The following NET1 variants were observed in gnomAD, a reference collection of about 807,000 sequenced individuals.
NET1 encodes the protein neuroepithelial cell-transforming gene 1 protein.
In NET1, 42 loss-of-function variants were observed where a neutral mutation model predicts 61.1. The ratio of observed to expected loss-of-function variants is 0.69; its 90% CI spans 0.54 to 0.89. The LOEUF (loss-of-function observed/expected upper bound fraction) is 0.89, where lower values mean the gene tolerates loss of function less well. NET1 is among the 40% of genes least tolerant of loss of function. The pLI is 0.00. For synonymous variants in NET1, 254 were observed against 281.8 expected, an observed-to-expected ratio of 0.90 and a Z score of 0.99; for missense variants, 654 against 747.3, an observed-to-expected ratio of 0.88 and a Z score of 1.46.
rs1832180585 is a variant in NET1 at position 5,422,004 on chromosome 10, G to A, written c.129-4651G>A. ...CTGTTGTACATTTGATTTGTTTCCA[G>A]TTTGGTGCTTTTATGGATAATGCTG... On this transcript the variant is annotated intron_variant, in intron 1 of 11. Coordinates refer to ENST00000355029, the MANE Select transcript of NET1 (RefSeq NM_001047160.3). The surrounding 1 kb of genome is among the most constrained non-coding windows in gnomAD (Gnocchi z 4.1). 1.3e-5 allele frequency among the ~76,000 whole-genome samples: 2 copies of A among 152,188 alleles called. No homozygotes were observed. The highest frequency in any genetic ancestry group is 4.8e-5 in the African/African-American group (2 of 41,430).
chr10:5,427,375 CT>C lies in NET1; in HGVS notation c.195+660del, dbSNP rs1182143236. On this transcript the variant is annotated intron_variant, in intron 2 of 11. Transcript: ENST00000355029. This position sits in a 1 kb window ranked among gnomAD's most constrained non-coding sequence, Gnocchi z 4.1. Reference sequence around the variant, plus strand: ...ATGCATAAGTATGATCATATATGTGCTTTTTTCCCCTTAGTACAGTCTAATA... The same window carrying C: ...ATGCATAAGTATGATCATATATGTGCTTTTTCCCCTTAGTACAGTCTAATA... Among the ~76,000 whole-genome samples the C allele has an allele frequency of 1.3e-5, 2 of 152,020 alleles. No individual in the cohort carries two copies. The highest frequency in any genetic ancestry group is 2.9e-5 in the Non-Finnish European group (2 of 67,992).
In NET1 at chr10:5,458,174, T is replaced by C. The variant is rs532601836; in HGVS notation, c.*1180T>C. The C allele has an allele frequency of 6.6e-6, 1 of 152,294 alleles. No individual in the cohort carries two copies. Among genetic ancestry groups the C allele is most frequent in the South Asian group, 2.1e-4 (1 of 4,824 alleles). 9.4% of individuals were successfully genotyped at this position (152,294 alleles called of 1,614,324 possible). The stretch of plus-strand genomic sequence containing the variant: ...AGAAACAATGAAATGTGTTAAAAAT[T>C]TGACCATATTAGATAAATTTTCGTG... On this transcript the variant is annotated 3_prime_UTR_variant, in exon 12 of 12. Coordinates refer to ENST00000355029, the MANE Select transcript of NET1 (RefSeq NM_001047160.3). This position sits in a 1 kb window ranked among gnomAD's most constrained non-coding sequence, Gnocchi z 4.5.
In NET1 at chr10:5,445,718, G is replaced by T. The variant is rs959378384; in HGVS notation, c.256-6112G>T. Among the ~76,000 whole-genome samples, 34 of 152,190 alleles carry T rather than the reference G, an allele frequency of 2.2e-4. 1 individual carries two copies. The highest frequency in any genetic ancestry group is 8.8e-5 in the Non-Finnish European group (6 of 68,036). On this transcript the variant is annotated intron_variant, in intron 3 of 11. Transcript: ENST00000355029. ...AGGAAAAGACTTAGGCTAGAAATTT[G>T]GAGACTGTCACTGGTCACTGTCATT... is the stretch of plus-strand genomic sequence containing the variant.
rs1396370523 is a variant in NET1, at chr10:5,453,763, C to A, written c.768+203C>A. Among the ~76,000 whole-genome samples, 1 of 151,764 alleles carries A rather than the reference C, an allele frequency of 6.6e-6. No homozygotes were observed. Among genetic ancestry groups the A allele is most frequent in the Non-Finnish European group, 1.5e-5 (1 of 67,952 alleles). On this transcript the variant is annotated intron_variant, in intron 8 of 11. Transcript: ENST00000355029. The surrounding 1 kb of genome is among the most constrained non-coding windows in gnomAD (Gnocchi z 4.9). ...AACACCTTCATTAATGCTATAGGTT[C>A]ATTTGTGTTACAAATACGTTCCTGC...
rs1251370348 is a variant in NET1, at chr10:5,430,995, C to G, written c.255+1766C>G. Among the ~76,000 whole-genome samples the G allele has an allele frequency of 3.3e-5, 5 of 151,140 alleles. No homozygotes were observed. In the East Asian group the frequency reaches 9.7e-4, roughly 29 times the overall value. ...CACACCATTCTCCTGCCTCAGCCTC[C>G]CAAGTAGCTGGGATTACAGGTGCCC... On this transcript the variant is annotated intron_variant, in intron 3 of 11. Coordinates refer to ENST00000355029, the MANE Select transcript of NET1 (RefSeq NM_001047160.3).
chr10:5,442,342 G>A (rs1366817332), intron 3 of NET1, among the ~76,000 whole-genome samples: 2 of 152,070 alleles, frequency 1.3e-5, no homozygotes, highest in African/African-American at 4.8e-5. Flanking sequence ...ATTGTTCCAG[G>A]TAAAAGTAGA....
intron 3 of NET1, among the ~76,000 whole-genome samples, chr10:5,436,408 T>C (rs183274605): frequency 2.0e-5 from 3 of 150,160 alleles, no homozygotes; most frequent in Non-Finnish European, 4.4e-5. Flanking sequence ...CGGGTTAATT[T>C]TGTGTTTTTA....
In NET1 at chr10:5,443,600, A is replaced by AAT. The variant is rs1292750503; in HGVS notation, c.256-8230_256-8229insAT. On this transcript the variant is annotated intron_variant, in intron 3 of 11. Transcript: ENST00000355029. The surrounding 1 kb of genome is among the most constrained non-coding windows in gnomAD (Gnocchi z 4.8). ...AGTCCAGTTGAACTTCCGCATGTTCATCATTCCTTTTTTAGATGCTGTCTA... is the reference window on the plus strand; with the variant it reads ...AGTCCAGTTGAACTTCCGCATGTTCAATTCATTCCTTTTTTAGATGCTGTCTA... 3.3e-5 allele frequency among the ~76,000 whole-genome samples: 5 copies of AAT among 152,170 alleles called. No individual in the cohort carries two copies. Among genetic ancestry groups the AAT allele is most frequent in the Non-Finnish European group, 7.3e-5 (5 of 68,028 alleles).
intron 1 of NET1, among the ~76,000 whole-genome samples, chr10:5,413,309 A>T (rs771225990): frequency 7.2e-5 from 11 of 152,212 alleles, no homozygotes; most frequent in Non-Finnish European, 1.5e-4. Context: ...GGTGAGCACC[A>T]CGAGAATGGG....
At position 5,415,808 on chromosome 10, in the gene NET1, C is replaced by A. The variant is rs1252056078; in HGVS notation, c.128+2988C>A. Among the ~76,000 whole-genome samples the A allele has an allele frequency of 1.3e-5, 2 of 152,106 alleles. No individual in the cohort carries two copies. Among genetic ancestry groups the A allele is most frequent in the Non-Finnish European group, 2.9e-5 (2 of 68,014 alleles). On this transcript the variant is annotated intron_variant, in intron 1 of 11. Transcript: ENST00000355029. This position sits in a 1 kb window ranked among gnomAD's most constrained non-coding sequence, Gnocchi z 4.7. ...TTTATTCTGGATACAAGTCCCTTATCAGATAGATTATTTGCAAATATTTTC... is the reference window on the plus strand; with the variant it reads ...TTTATTCTGGATACAAGTCCCTTATAAGATAGATTATTTGCAAATATTTTC...
chr10:5,441,077 C>T lies in NET1; in HGVS notation c.256-10753C>T, dbSNP rs781637683. On this transcript the variant is annotated intron_variant, in intron 3 of 11. Transcript: ENST00000355029. The surrounding 1 kb of genome is among the most constrained non-coding windows in gnomAD (Gnocchi z 4.6). ...CCCGTGCAGTGTCTAATTAAGCTGT[C>T]ACTACTGTGGGCAGTGGGGTAGATC... Among the ~76,000 whole-genome samples, 28 of 152,310 alleles carry T rather than the reference C, an allele frequency of 1.8e-4. No homozygotes were observed. The highest frequency in any genetic ancestry group is 3.4e-4 in the Non-Finnish European group (23 of 68,016).
At chr10:5,413,177 T>G (rs1286574404) in intron 1 of NET1, among the ~76,000 whole-genome samples, 1 of 152,108 alleles carries the variant, frequency 6.6e-6, no homozygotes, top group Non-Finnish European at 1.5e-5. Flanking sequence ...TTATTGAGTC[T>G]CCTCGCCTCC....
intron 3 of NET1, among the ~76,000 whole-genome samples, chr10:5,438,648 C>T (rs908393047): frequency 3.9e-5 from 6 of 152,182 alleles, no homozygotes; most frequent in African/African-American, 1.4e-4. Context: ...CTGGTAAATT[C>T]TACCAAACAT....
At chr10:5,436,189 TGTGTGTGTG>T (rs1832430148) in intron 3 of NET1, among the ~76,000 whole-genome samples, 35 of 14,596 alleles carry the variant, frequency 2.4e-3, no homozygotes, top group South Asian at 4.6e-3. Flanking sequence ...GTGTGTGTTG[TGTGTGTGTG>T]TGTGTGTGTG....
chr10:5,456,719 G>A lies in NET1; in HGVS notation c.1516G>A (p.Ala506Thr), dbSNP rs765444267. ...IRAAIAPFQS[A>T]GSPPELQGLP... ...AGCGGCCATTGCCCCCTTCCAGTCG[G>A]CAGGCAGTCCACCTGAGCTGCAGGG... The change falls in exon 12 of 12, where the codon GCA becomes ACA. Residue 506 changes from alanine to threonine, a missense_variant. Ala to Thr is a moderately conservative substitution (Grantham distance 58). Transcript: ENST00000355029. This position sits in a 1 kb window ranked among gnomAD's most constrained non-coding sequence, Gnocchi z 7.0. 9 of 1,614,154 alleles carry A rather than the reference G, an allele frequency of 5.6e-6. No homozygotes were observed. The highest frequency in any genetic ancestry group is 7.6e-6 in the Non-Finnish European group (9 of 1,180,036).
intron 2 of NET1, among the ~76,000 whole-genome samples, 189 bp from the exon 3 acceptor site, chr10:5,428,981 T>C (rs4433477): frequency 0.97 from 147,138 of 151,672 alleles, 71,484 homozygotes; most frequent in Non-Finnish European, 1. Flanking sequence ...CGATCCGCCC[T>C]CCTCAGCCTC....
chr10:5,441,259 C>T lies in NET1; in HGVS notation c.256-10571C>T, dbSNP rs1832522118. On this transcript the variant is annotated intron_variant, in intron 3 of 11. Coordinates refer to ENST00000355029, the MANE Select transcript of NET1 (RefSeq NM_001047160.3). The surrounding 1 kb of genome is among the most constrained non-coding windows in gnomAD (Gnocchi z 4.6). ...CCACACACCCGTGGCTACACATGTG[C>T]ATGTGCCACACAGCAGCATCCAAGA... 6.6e-6 allele frequency among the ~76,000 whole-genome samples: 1 copy of T among 152,248 alleles called. No homozygotes were observed. The highest frequency in any genetic ancestry group is 1.5e-5 in the Non-Finnish European group (1 of 68,044).
At chr10:5,436,198 G>GT (rs1832430738) in intron 3 of NET1, among the ~76,000 whole-genome samples, 1 of 17,200 alleles carries the variant, frequency 5.8e-5, no homozygotes, top group East Asian at 8.7e-4. Context: ...GTGTGTGTGT[G>GT]TGTGTGTGTG....
Position 5,452,018 on chromosome 10 carries a change from A to G in NET1, c.363+81A>G. The G allele has an allele frequency of 9.6e-7, 1 of 1,036,518 alleles. No individual in the cohort carries two copies. The highest frequency in any genetic ancestry group is 1.4e-6 in the Non-Finnish European group (1 of 698,022). The allele number at this position is 1,036,518 out of a possible 1,614,324, so 64.2% of individuals were successfully genotyped here. On this transcript the variant is annotated intron_variant, in intron 4 of 11. Coordinates refer to ENST00000355029, the MANE Select transcript of NET1 (RefSeq NM_001047160.3). This position sits in a 1 kb window ranked among gnomAD's most constrained non-coding sequence, Gnocchi z 4.0. ...TTTGTAGTTGTCTTTGAGCTGTACAAACAAGTTTGCATTATTATATTTAAA... is the reference window on the plus strand; with the variant it reads ...TTTGTAGTTGTCTTTGAGCTGTACAGACAAGTTTGCATTATTATATTTAAA...
Sources: gnomAD v4.1 joint callset for allele counts (sites outside exome capture counted in the v4.1 genomes callset) on GRCh38, gnomAD v4.1.1 for gene constraint, Gnocchi (gnomAD v3.1) non-coding constraint, MANE v1.5 for transcripts, NCBI Gene and HGNC (gene_info 2026-07-23, HGNC 2026-07-21) for gene names.